The following MPP4 variants were observed in gnomAD, a reference collection of about 807,000 sequenced individuals.
MPP4 encodes the protein MAGUK p55 scaffold protein 4.
A neutral mutation model predicts 98.3 loss-of-function variants in MPP4; 91 were observed. The ratio of observed to expected loss-of-function variants is 0.93; its 90% CI spans 0.78 to 1.10. The LOEUF (loss-of-function observed/expected upper bound fraction) is 1.10, where lower values mean the gene tolerates loss of function less well. MPP4 is among the 50% of genes least tolerant of loss of function. The pLI, the probability that MPP4 is intolerant of heterozygous loss-of-function variation, is 0.00. For missense variants in MPP4, 744 were observed against 792.9 expected (o/e 0.94, Z 0.74); for synonymous variants, 261 against 271.8 (o/e 0.96, Z 0.39).
chr2:201,669,370 G>A (rs981609520), intron 12 of MPP4, among the ~76,000 whole-genome samples: 9 of 152,046 alleles, frequency 5.9e-5, no homozygotes, highest in African/African-American at 2.2e-4. Context: ...TTATTGTTAG[G>A]TAATATGTAT....
At chr2:201,681,403 C>A in intron 9 of MPP4, 93 bp downstream of exon 9, 1 of 1,097,296 alleles carries the variant, frequency 9.1e-7, no homozygotes, top group Non-Finnish European at 1.4e-6. Flanking sequence ...AGGTCCAACA[C>A]AGTACAAAGG....
intron 12 of MPP4, among the ~76,000 whole-genome samples, 159 bp downstream of exon 12, chr2:201,669,557 AATGACTATCACACTACT>A (rs376804817): frequency 0.98 from 148,939 of 152,256 alleles, 72,930 homozygotes; most frequent in Non-Finnish European, 1. Context: ...TTTATAAATC[AATGACTATCACACTACT>A]AGGTATATAG....
chr2:201,655,911 C>T (rs1458134003), intron 17 of MPP4, among the ~76,000 whole-genome samples: 1 of 151,856 alleles, frequency 6.6e-6, no homozygotes, highest in African/African-American at 2.4e-5. Flanking sequence ...CAGAACAATT[C>T]TAAGCAGGCA....
At chr2:201,663,113 T>C (rs1351136827) in intron 14 of MPP4, among the ~76,000 whole-genome samples, 1 of 152,256 alleles carries the variant, frequency 6.6e-6, no homozygotes, top group Non-Finnish European at 1.5e-5. Context: ...AGGCAATGCC[T>C]GCATTCTGTT....
intron 5 of MPP4, among the ~76,000 whole-genome samples, chr2:201,686,503 G>C (rs1688839610): frequency 6.6e-6 from 1 of 152,312 alleles, no homozygotes; most frequent in East Asian, 1.9e-4. Flanking sequence ...ATGTGGTACA[G>C]AATGAGGAGT....
intron 7 of MPP4, among the ~76,000 whole-genome samples, chr2:201,683,560 C>T (rs1286611227): frequency 6.6e-6 from 1 of 151,970 alleles, no homozygotes; most frequent in Admixed American, 6.6e-5. Context: ...ACCAGCCTTG[C>T]CAACTTGATG....
rs193057025 is a variant in MPP4, at chr2:201,689,040, T to C, written c.279+1162A>G. 4.6e-5 allele frequency among the ~76,000 whole-genome samples: 7 copies of C among 152,194 alleles called. No individual in the cohort carries two copies. In the East Asian group the frequency reaches 1.4e-3, roughly 29 times the overall value. ...GTGTTCAGCTATGTAAGAACTTTGG[T>C]GTTTAGGCCAGGTGTGGTGGCTCAC... On this transcript the variant is annotated intron_variant, in intron 4 of 21. Coordinates refer to ENST00000409474, the MANE Select transcript of MPP4 (RefSeq NM_033066.3).
chr2:201,683,142 T>C (rs760152848), intron 7 of MPP4, among the ~76,000 whole-genome samples: 5 of 150,954 alleles, frequency 3.3e-5, no homozygotes, highest in Non-Finnish European at 7.3e-5. Context: ...CATTGACTTA[T>C]GGTCATATTT....
chr2:201,695,009 T>A (rs1159688356), intron 1 of MPP4, among the ~76,000 whole-genome samples: 2 of 152,172 alleles, frequency 1.3e-5, no homozygotes, highest in Non-Finnish European at 2.9e-5. Context: ...TTGCTTTAGG[T>A]AGATTTAGTT....
chr2:201,669,741 A>G lies in MPP4; in HGVS notation c.1004T>C (p.Met335Thr), dbSNP rs1688288342. 1.4e-6 allele frequency: 2 copies of G among 1,449,316 alleles called. No homozygotes were observed. The highest frequency in any genetic ancestry group is 1.8e-6 in the Non-Finnish European group (2 of 1,087,630). The allele number at this position is 1,449,316 out of a possible 1,614,324, so 89.8% of individuals were successfully genotyped here. A position where few individuals can be genotyped will look rare whatever the true frequency, so the allele number is the denominator to read the frequency against. The change falls in exon 12 of 22, where the codon ATG (methionine) becomes ACG (threonine). Residue 335 changes from methionine to threonine, a missense_variant. Met to Thr is a moderately conservative substitution (Grantham distance 81, BLOSUM62 -1). Coordinates refer to ENST00000409474, the MANE Select transcript of MPP4 (RefSeq NM_033066.3). ...TAAATACTATTTCTTACCTTCTTCC[A>G]TAGAAATTGCTGAGTACAAGCAAAT... ...TCLKSTLSIS[M>T]EEEDDMKIDE...
intron 14 of MPP4, 151 bp downstream of exon 14, chr2:201,663,930 G>C (rs1361762066): frequency 5.1e-6 from 2 of 390,042 alleles, no homozygotes; most frequent in Admixed American, 4.8e-5. Context: ...GTATATTTGA[G>C]GTTGACAACA....
At chr2:201,653,529 T>G (rs1015153856) in intron 18 of MPP4, among the ~76,000 whole-genome samples, 3 of 152,230 alleles carry the variant, frequency 2.0e-5, no homozygotes, top group Admixed American at 6.5e-5. Context: ...GTTTTCACAT[T>G]CCTCGTTACA....
At chr2:201,664,412 A>C in intron 13 of MPP4, 1 of 1,230,988 alleles carries the variant, frequency 8.1e-7, no homozygotes, top group Non-Finnish European at 1.1e-6. Flanking sequence ...GGAAAGTGGA[A>C]TGTCAGGGAA....
rs148750023 is a variant in MPP4 at position 201,656,010 on chromosome 2, T to C, written c.1300+188A>G. On this transcript the variant is annotated intron_variant, in intron 17 of 21. Coordinates refer to ENST00000409474, the MANE Select transcript of MPP4 (RefSeq NM_033066.3). ...ATAACACATTCACTTGTAGATTTTT[T>C]AAAAAGCTTGATACAATAAAATGTT... 4.3e-4 allele frequency among the ~76,000 whole-genome samples: 66 copies of C among 152,350 alleles called. 1 individual carries two copies. Among genetic ancestry groups the C allele is most frequent in the African/African-American group, 1.2e-3 (51 of 41,580 alleles).
rs1172311950 is a variant in MPP4, at chr2:201,650,772, A to G, written c.1382-607T>C. On this transcript the variant is annotated intron_variant, in intron 18 of 21. Coordinates refer to ENST00000409474, the MANE Select transcript of MPP4 (RefSeq NM_033066.3). ...CATGACATTCTGCAATCTTGACCAG[A>G]TGCATTAATACCCAACCGAGTGGTG... 6.1e-6 allele frequency: 6 copies of G among 985,284 alleles called. No individual in the cohort carries two copies. The East Asian group carries it at 5.7e-4, about 93-fold the overall frequency. The allele number at this position is 985,284 out of a possible 1,614,324, so 61.0% of individuals were successfully genotyped here. A position where few individuals can be genotyped will look rare whatever the true frequency, so the allele number is the denominator to read the frequency against.
intron 18 of MPP4, chr2:201,652,181 G>C (rs1035472639): frequency 5.5e-6 from 1 of 182,678 alleles, no homozygotes; most frequent in Non-Finnish European, 1.0e-5. Flanking sequence ...TTTCCTGGCC[G>C]GGTGTGGTGG....
intron 10 of MPP4, among the ~76,000 whole-genome samples, chr2:201,676,002 C>T (rs766161334): frequency 1.1e-4 from 16 of 152,296 alleles, no homozygotes; most frequent in Non-Finnish European, 2.1e-4. Flanking sequence ...CACCCCAAGC[C>T]TTCCAAATTA....
rs758454162 is a variant in MPP4, at chr2:201,682,932, C to CA, written c.575-17dup. ...TATAGCAACCCTAGGCAGACAGTAACAAAAAACAAAGAAAGATACAAAGAA... is the reference window on the plus strand; with the variant it reads ...TATAGCAACCCTAGGCAGACAGTAACAAAAAAACAAAGAAAGATACAAAGAA... On this transcript the variant is annotated splice_polypyrimidine_tract_variant and intron_variant, in intron 7 of 21. Coordinates refer to ENST00000409474, the MANE Select transcript of MPP4 (RefSeq NM_033066.3). 5 of 1,601,088 alleles carry CA rather than the reference C, an allele frequency of 3.1e-6. No homozygotes were observed. The highest frequency in any genetic ancestry group is 2.7e-5 in the African/African-American group (2 of 74,444).
At position 201,669,714 on chromosome 2, in the gene MPP4, C is replaced by A; in HGVS notation, c.1012+19G>T. 7.1e-7 allele frequency: 1 copy of A among 1,412,960 alleles called. No homozygotes were observed. The highest frequency in any genetic ancestry group is 9.3e-7 in the Non-Finnish European group (1 of 1,070,416). The allele number at this position is 1,412,960 out of a possible 1,614,324, so 87.5% of individuals were successfully genotyped here. Reference sequence around the variant, plus strand: ...AAGACTTTGGAGATAAGAGTTTTTTCCTAAATACTATTTCTTACCTTCTTC... The same window carrying A: ...AAGACTTTGGAGATAAGAGTTTTTTACTAAATACTATTTCTTACCTTCTTC... On this transcript the variant is annotated intron_variant, in intron 12 of 21. Transcript: ENST00000409474.
Sources: allele counts gnomAD v4.1 joint callset (sites outside exome capture counted in the v4.1 genomes callset), GRCh38; gene constraint gnomAD v4.1.1; transcripts MANE v1.5; gene names NCBI Gene and HGNC (gene_info 2026-07-23, HGNC 2026-07-21).